ST8SIA6: variants seen among roughly 807,000 people sequenced by gnomAD.
ST8SIA6 encodes alpha-2,8-sialyltransferase 8F.
In ST8SIA6, 39 loss-of-function variants were observed where a neutral mutation model predicts 33.6. The observed-to-expected ratio is 1.16, with a 90% CI of 0.90 to 1.52. ST8SIA6 has a LOEUF of 1.52. Among genes scored for constraint, ST8SIA6 ranks in the 40% most tolerant of loss-of-function variants. The pLI is 0.00. For synonymous variants in ST8SIA6, 172 were observed against 167.2 expected (o/e 1.03, Z -0.22); for missense variants, 441 against 443.8 (o/e 0.99, Z 0.06).
chr10:17,366,103 C>T (rs1444520), intron 3 of ST8SIA6, among the ~76,000 whole-genome samples: 56,158 of 151,938 alleles, frequency 0.37, 10,623 homozygotes, highest in East Asian at 0.6. Context: ...GTATGAAAGC[C>T]AAACTAGGAG....
chr10:17,410,682 G>A (rs1280158013), intron 2 of ST8SIA6: 2 of 152,004 alleles, frequency 1.3e-5, no homozygotes, highest in African/African-American at 2.4e-5. Flanking sequence ...CTCATCCAGG[G>A]AAAATTAAAA....
At chr10:17,353,759 A>AT (rs1849105907) in intron 4 of ST8SIA6, among the ~76,000 whole-genome samples, 1 of 152,182 alleles carries the variant, frequency 6.6e-6, no homozygotes, top group East Asian at 1.9e-4. Context: ...GTGGGTTGAC[A>AT]TAATAGCACT....
intron 2 of ST8SIA6, among the ~76,000 whole-genome samples, chr10:17,422,692 G>A (rs192576199): frequency 6.6e-6 from 1 of 152,232 alleles, no homozygotes; most frequent in Admixed American, 6.5e-5. Flanking sequence ...GACTCTGAGG[G>A]GCAACAATTT....
chr10:17,335,775 G>A (rs535283735), intron 4 of ST8SIA6, among the ~76,000 whole-genome samples: 5 of 152,166 alleles, frequency 3.3e-5, no homozygotes, highest in South Asian at 2.1e-4. Flanking sequence ...ATTCTTATGC[G>A]TATATAATTT....
chr10:17,401,219 AC>A (rs1411260330), intron 2 of ST8SIA6, among the ~76,000 whole-genome samples: 1 of 152,176 alleles, frequency 6.6e-6, no homozygotes, highest in Non-Finnish European at 1.5e-5. Context: ...AATCCAACTT[AC>A]AAGGGATGTG....
chr10:17,360,259 C>A (rs185187457), intron 3 of ST8SIA6, among the ~76,000 whole-genome samples: 1 of 152,128 alleles, frequency 6.6e-6, no homozygotes, highest in Admixed American at 6.5e-5. Context: ...TGCAAGTATC[C>A]CTTTGAGTGA....
intron 2 of ST8SIA6, among the ~76,000 whole-genome samples, chr10:17,421,690 C>T (rs1851784801): frequency 6.6e-6 from 1 of 151,950 alleles, no homozygotes; most frequent in Admixed American, 6.6e-5. Context: ...AGCCTCCCCA[C>T]TAGCTGGGAC....
In ST8SIA6 at chr10:17,318,504, T is replaced by C. The variant is rs1049631053; in HGVS notation, c.*2374A>G. The C allele has an allele frequency of 1.4e-5, 5 of 364,198 alleles. No homozygotes were observed. Among genetic ancestry groups the C allele is most frequent in the Non-Finnish European group, 2.7e-5 (5 of 185,974 alleles). The allele number at this position is 364,198 out of a possible 1,614,324, so 22.6% of individuals were successfully genotyped here. A position where few individuals can be genotyped will look rare whatever the true frequency, so the allele number is the denominator to read the frequency against. Reference sequence around the variant, plus strand: ...GTGCTGGGATTACAGGTGTGAGCCATTGCGCCTGGCCTAAAGGGCTGCTCT... The same window carrying C: ...GTGCTGGGATTACAGGTGTGAGCCACTGCGCCTGGCCTAAAGGGCTGCTCT... On this transcript the variant is annotated 3_prime_UTR_variant, in exon 8 of 8. Coordinates refer to ENST00000377602, the MANE Select transcript of ST8SIA6 (RefSeq NM_001004470.3).
At chr10:17,347,310 T>C (rs765984374) in intron 4 of ST8SIA6, among the ~76,000 whole-genome samples, 2 of 152,056 alleles carry the variant, frequency 1.3e-5, no homozygotes, top group African/African-American at 2.4e-5. Context: ...TTAGCAAAAG[T>C]TTGGCGATGG....
At chr10:17,440,211 T>C (rs999861917) in intron 2 of ST8SIA6, among the ~76,000 whole-genome samples, 3 of 119,456 alleles carry the variant, frequency 2.5e-5, no homozygotes, top group African/African-American at 9.4e-5. Context: ...AAATGTATTT[T>C]TTTTTTTTTT....
chr10:17,434,914 C>T (rs1226454834), intron 2 of ST8SIA6, among the ~76,000 whole-genome samples: 2 of 152,198 alleles, frequency 1.3e-5, no homozygotes, highest in African/African-American at 4.8e-5. Flanking sequence ...GCCTTTAAGG[C>T]TGGGCACAGA....
intron 5 of ST8SIA6, among the ~76,000 whole-genome samples, chr10:17,330,897 T>C (rs79260162): frequency 1.3e-5 from 2 of 152,302 alleles, no homozygotes; most frequent in Admixed American, 6.5e-5. Context: ...AGTGCATATA[T>C]GTACTGGGAA....
intron 3 of ST8SIA6, among the ~76,000 whole-genome samples, chr10:17,362,594 A>C (rs574349339): frequency 2.4e-4 from 36 of 152,268 alleles, no homozygotes; most frequent in African/African-American, 7.5e-4. Context: ...TTTAATTATG[A>C]CTTTACATGT....
chr10:17,396,506 A>G (rs1486814337), intron 2 of ST8SIA6, among the ~76,000 whole-genome samples: 1 of 152,172 alleles, frequency 6.6e-6, no homozygotes, highest in Non-Finnish European at 1.5e-5. Flanking sequence ...TCAGAGAAAC[A>G]TGGTGCAGCT....
chr10:17,433,553 G>A (rs1852164776), intron 2 of ST8SIA6, among the ~76,000 whole-genome samples: 1 of 152,200 alleles, frequency 6.6e-6, no homozygotes, highest in African/African-American at 2.4e-5. Flanking sequence ...CACTTCCCCA[G>A]TGTAGACAGC....
chr10:17,380,535 T>A (rs1236594583), intron 3 of ST8SIA6, among the ~76,000 whole-genome samples: 2 of 152,232 alleles, frequency 1.3e-5, no homozygotes, highest in Non-Finnish European at 2.9e-5. Context: ...AAAAGATTTT[T>A]AATTTTAACT....
chr10:17,381,705 G>C (rs1276348592), intron 3 of ST8SIA6, among the ~76,000 whole-genome samples: 1 of 152,090 alleles, frequency 6.6e-6, no homozygotes, highest in Non-Finnish European at 1.5e-5. Context: ...ATTTGGCATG[G>C]GTTACAAAAC....
chr10:17,421,289 C>G (rs921634002), intron 2 of ST8SIA6, among the ~76,000 whole-genome samples: 3 of 152,220 alleles, frequency 2.0e-5, no homozygotes, highest in African/African-American at 7.2e-5. Context: ...CTGTCTTCTC[C>G]TGCTGCTTAG....
chr10:17,337,149 T>C (rs575478118), intron 4 of ST8SIA6, among the ~76,000 whole-genome samples: 1 of 130,256 alleles, frequency 7.7e-6, no homozygotes, highest in African/African-American at 3.4e-5. Flanking sequence ...CCTCCCCTTC[T>C]CTCTCTTCCT....
Sources: allele counts gnomAD v4.1 joint callset (sites outside exome capture counted in the v4.1 genomes callset), GRCh38; gene constraint gnomAD v4.1.1; transcripts MANE v1.5; gene names NCBI Gene and HGNC (gene_info 2026-07-23, HGNC 2026-07-21).